The following DYNC2H1 variants were observed in gnomAD, a reference collection of about 807,000 sequenced individuals.
DYNC2H1 encodes the protein cytoplasmic dynein 2 heavy chain 1.
Under a neutral mutation model 570.0 loss-of-function variants are expected in DYNC2H1, and 410 were observed. The observed-to-expected ratio is 0.72, with a 90% confidence interval of 0.66 to 0.78. The LOEUF (loss-of-function observed/expected upper bound fraction) is 0.78. Ranked by LOEUF, DYNC2H1 falls within the 30% of genes least tolerant of loss-of-function variation. The probability of loss-of-function intolerance (pLI) is 0.00; values close to 1 mark genes in which losing one functional copy is unlikely to be tolerated. For synonymous variants in DYNC2H1, 1,688 were observed against 1,677.6 expected, an observed-to-expected ratio of 1.01 and a Z score of -0.15; for missense variants, 4,865 against 5,046.4, an observed-to-expected ratio of 0.96 and a Z score of 1.09.
At chr11:103,426,640 CATAAACACACAAA>C (rs1293374059) in intron 84 of DYNC2H1, among the ~76,000 whole-genome samples, 1 of 152,150 alleles carries the variant, frequency 6.6e-6, no homozygotes, top group Non-Finnish European at 1.5e-5. Context: ...CATCCATGCA[CATAAACACACAAA>C]ATCTATGGCT....
At chr11:103,375,725 C>G (rs530630056) in intron 83 of DYNC2H1, among the ~76,000 whole-genome samples, 1 of 152,300 alleles carries the variant, frequency 6.6e-6, no homozygotes, top group South Asian at 2.1e-4. Flanking sequence ...TAGCCAGTGT[C>G]TGTACCCCCA....
chr11:103,232,229 C>G (rs1324561437), intron 60 of DYNC2H1, among the ~76,000 whole-genome samples: 8 of 151,856 alleles, frequency 5.3e-5, no homozygotes, highest in Non-Finnish European at 1.0e-4. Context: ...AGGTGTTATA[C>G]TGGGTAATTT....
chr11:103,181,818 T>A lies in DYNC2H1; in HGVS notation c.6409T>A (p.Tyr2137Asn), dbSNP rs1308145045. The A allele has an allele frequency of 1.3e-6, 2 of 1,591,290 alleles. No individual in the cohort carries two copies. Among genetic ancestry groups the A allele is most frequent in the South Asian group, 2.3e-5 (2 of 87,786 alleles). ...KSWLRNQPAE[Y>N]RNNLENWIGD... is the part of the protein sequence containing the mutation. ...TTGGTTGAGGAATCAGCCTGCTGAA[T>A]ATAGAAATAATCTTGAAAATTGGAT... The change falls in exon 40 of 89, where the codon TAT becomes AAT. Residue 2137 changes from tyrosine to asparagine, a missense_variant. Coordinates refer to ENST00000375735, the MANE Select transcript of DYNC2H1 (RefSeq NM_001377.3). The surrounding 1 kb of genome is among the most constrained non-coding windows in gnomAD (Gnocchi z 5.0).
intron 77 of DYNC2H1, 32 bp downstream of exon 77, chr11:103,304,752 A>G (rs1026464611): frequency 1.3e-6 from 2 of 1,599,008 alleles, no homozygotes; most frequent in Non-Finnish European, 1.7e-6. Context: ...AATAATATCT[A>G]TTATACTCAA....
At chr11:103,354,461 T>G (rs912797946) in intron 82 of DYNC2H1, among the ~76,000 whole-genome samples, 1 of 152,100 alleles carries the variant, frequency 6.6e-6, no homozygotes, top group Non-Finnish European at 1.5e-5. Flanking sequence ...AATATGATTG[T>G]TTTTTAGTGT....
Position 103,254,952 on chromosome 11 carries a change from T to C in DYNC2H1, c.10207-463T>C, listed in dbSNP as rs1367850191. On this transcript the variant is annotated intron_variant, in intron 66 of 88. Coordinates refer to ENST00000375735, the MANE Select transcript of DYNC2H1 (RefSeq NM_001377.3). The surrounding 1 kb of genome is among the most constrained non-coding windows in gnomAD (Gnocchi z 4.9). ...ACGCCTGGCTAATTTTTTGTATTTT[T>C]AGTAGAGATGGAGTTTCACTATGTT... Among the ~76,000 whole-genome samples, 5 of 151,938 alleles carry C rather than the reference T, an allele frequency of 3.3e-5. No individual in the cohort carries two copies. Among genetic ancestry groups the C allele is most frequent in the African/African-American group, 1.2e-4 (5 of 41,390 alleles).
rs10895396 is a variant in DYNC2H1, at chr11:103,316,300, T to C, written c.11650-245T>C. 0.22 allele frequency among the ~76,000 whole-genome samples: 32,727 copies of C among 151,912 alleles called. 3,660 individuals are homozygous for C. Among genetic ancestry groups the C allele is most frequent in the Admixed American group, 0.31 (4,729 of 15,256 alleles). ...TAGTATATCAGTTTGTTCTCTATGA[T>C]TGTGTTGCCACATAACTAACTAAAA... On this transcript the variant is annotated intron_variant, in intron 79 of 88. Transcript: ENST00000375735.
intron 75 of DYNC2H1, among the ~76,000 whole-genome samples, chr11:103,288,684 T>TAAAAAAAAAAAAAAAAAAAAAAAAAA: frequency 3.6e-5 from 1 of 27,914 alleles, no homozygotes; most frequent in Non-Finnish European, 6.0e-5. Context: ...CCGTCTCTAC[T>TAAAAAAAAAAAAAAAAAAAAAAAAAA]AAAAAAAAAA....
chr11:103,179,462 T>C (rs1565371768), intron 39 of DYNC2H1, among the ~76,000 whole-genome samples: 1 of 151,878 alleles, frequency 6.6e-6, no homozygotes, highest in South Asian at 2.1e-4. Context: ...ATTATTTGTT[T>C]AAATGAAACA....
At chr11:103,116,520 C>G in intron 4 of DYNC2H1, 50 bp from the exon 5 acceptor site, 1 of 1,422,644 alleles carries the variant, frequency 7.0e-7, no homozygotes, top group Non-Finnish European at 9.5e-7. Flanking sequence ...GATTATATTA[C>G]CCAAGGTACA....
At chr11:103,474,574 C>T (rs566092532) in intron 88 of DYNC2H1, among the ~76,000 whole-genome samples, 67 of 152,132 alleles carry the variant, frequency 4.4e-4, no homozygotes, top group African/African-American at 1.5e-3. Context: ...ATGGTAGTCC[C>T]TCTGTATCTG....
At position 103,145,011 on chromosome 11, in the gene DYNC2H1, G is replaced by A. The variant is rs1371149609; in HGVS notation, c.2702+1616G>A. Among the ~76,000 whole-genome samples, 3 of 151,962 alleles carry A rather than the reference G, an allele frequency of 2.0e-5. No homozygotes were observed. Among genetic ancestry groups the A allele is most frequent in the African/African-American group, 7.3e-5 (3 of 41,346 alleles). On this transcript the variant is annotated intron_variant, in intron 18 of 88. Transcript: ENST00000375735. The surrounding 1 kb of genome is among the most constrained non-coding windows in gnomAD (Gnocchi z 4.2). ...TTCCCCTGCCTCAGCCTCCTGAGTA[G>A]CTGGGACTACAGGCACGTGCCACCA...
intron 73 of DYNC2H1, among the ~76,000 whole-genome samples, chr11:103,284,523 G>T (rs912554976): frequency 6.6e-6 from 1 of 150,536 alleles, no homozygotes; most frequent in African/African-American, 2.4e-5. Context: ...AATACATGAT[G>T]ATAATATAAT....
intron 82 of DYNC2H1, among the ~76,000 whole-genome samples, chr11:103,347,410 A>G (rs1939795672): frequency 6.7e-6 from 1 of 150,108 alleles, no homozygotes; most frequent in Admixed American, 6.8e-5. Flanking sequence ...AAGTAATGGC[A>G]TTATAGTAGT....
rs556687523 is a variant in DYNC2H1, at chr11:103,231,669, T to A, written c.9440+323T>A. Among the ~76,000 whole-genome samples the A allele has an allele frequency of 2.4e-4, 36 of 152,180 alleles. 1 individual carries two copies. In the South Asian group the frequency reaches 7.3e-3, roughly 31 times the overall value. On this transcript the variant is annotated intron_variant, in intron 60 of 88. Transcript: ENST00000375735. ...AAAATATTGGTATGGGAATTATAAA[T>A]GTTAGAACATTTTCTTTTAAAAGTT...
In DYNC2H1 at chr11:103,395,560, T is replaced by G. The variant is rs1057076961; in HGVS notation, c.12157-4103T>G. Among the ~76,000 whole-genome samples the G allele has an allele frequency of 6.6e-6, 1 of 152,020 alleles. No homozygotes were observed. The highest frequency in any genetic ancestry group is 1.5e-5 in the Non-Finnish European group (1 of 68,010). On this transcript the variant is annotated intron_variant, in intron 83 of 88. Coordinates refer to ENST00000375735, the MANE Select transcript of DYNC2H1 (RefSeq NM_001377.3). The surrounding 1 kb of genome is among the most constrained non-coding windows in gnomAD (Gnocchi z 4.3). The stretch of plus-strand genomic sequence containing the variant: ...TTTTTCATACAGCATCTCTTTATTA[T>G]CACAGAATTATTGCAGCTATTCTCT...
chr11:103,388,242 G>A (rs1465542237), intron 83 of DYNC2H1, among the ~76,000 whole-genome samples: 5 of 151,664 alleles, frequency 3.3e-5, no homozygotes, highest in Non-Finnish European at 5.9e-5. Context: ...TGGATTCCTA[G>A]GTATTTTATT....
At position 103,243,546 on chromosome 11, in the gene DYNC2H1, CT is replaced by C. The variant is rs1299677119; in HGVS notation, c.9820-142del. On this transcript the variant is annotated intron_variant, in intron 63 of 88. Coordinates refer to ENST00000375735, the MANE Select transcript of DYNC2H1 (RefSeq NM_001377.3). This position sits in a 1 kb window ranked among gnomAD's most constrained non-coding sequence, Gnocchi z 4.8. ...GCAGCTAAAAACTGTATTTTTGTTT[CT>C]TTTTCATGGTTGTATATTTGTGTTC... 9.2e-6 allele frequency: 6 copies of C among 651,360 alleles called. No individual in the cohort carries two copies. The highest frequency in any genetic ancestry group is 1.3e-5 in the Non-Finnish European group (5 of 397,692). 40.3% of individuals were successfully genotyped at this position (651,360 alleles called of 1,614,324 possible).
chr11:103,416,346 A>G (rs1333984444), intron 84 of DYNC2H1, among the ~76,000 whole-genome samples: 1 of 152,196 alleles, frequency 6.6e-6, no homozygotes, highest in African/African-American at 2.4e-5. Context: ...TAAGTTTCAT[A>G]TGGAACCAAA....
Sources: gnomAD v4.1 joint callset for allele counts (sites outside exome capture counted in the v4.1 genomes callset) on GRCh38, gnomAD v4.1.1 for gene constraint, Gnocchi (gnomAD v3.1) non-coding constraint, MANE v1.5 for transcripts, NCBI Gene and HGNC (gene_info 2026-07-23, HGNC 2026-07-21) for gene names.